Variants in AP3D1 observed in about 807,000 individuals in gnomAD.
AP3D1 encodes the protein AP-3 complex subunit delta-1.
In AP3D1, 51 loss-of-function variants were observed where a neutral mutation model predicts 147.6. That is an observed-to-expected ratio of 0.35 (90% CI 0.28 to 0.44). The LOEUF (loss-of-function observed/expected upper bound fraction) is 0.44. Among genes scored for constraint, AP3D1 ranks in the 20% least tolerant of loss-of-function variants. The probability of loss-of-function intolerance (pLI) is 1.00; values close to 1 mark genes in which losing one functional copy is unlikely to be tolerated. For synonymous variants in AP3D1, 760 were observed against 663.0 expected, an observed-to-expected ratio of 1.15 and a Z score of -2.25; for missense variants, 1,421 against 1,624.2, an observed-to-expected ratio of 0.87 and a Z score of 2.15.
chr19:2,119,301 A>G (rs1171279588), intron 14 of AP3D1, among the ~76,000 whole-genome samples: 3 of 152,164 alleles, frequency 2.0e-5, no homozygotes, highest in East Asian at 1.9e-4. Flanking sequence ...GCTCACGCCT[A>G]TAATCCCAGC....
At chr19:2,136,674 A>T (rs907099994) in intron 4 of AP3D1, among the ~76,000 whole-genome samples, 6 of 152,164 alleles carry the variant, frequency 3.9e-5, no homozygotes, top group Admixed American at 3.9e-4. Flanking sequence ...AGGCACTACC[A>T]TGAGGGGAGA....
rs557440279 is a variant in AP3D1 at position 2,129,179 on chromosome 19, G to A, written c.733-16C>T. ...GAGCACCGAACTGTGGGGACAGCAG[G>A]GCCTCGGTCACCCGCAGGGAATGCC... On this transcript the variant is annotated splice_polypyrimidine_tract_variant and intron_variant, in intron 7 of 31. Coordinates refer to ENST00000643116, the MANE Select transcript of AP3D1 (RefSeq NM_001261826.3). 2 of 1,605,838 alleles carry A rather than the reference G, an allele frequency of 1.2e-6. No individual in the cohort carries two copies. Among genetic ancestry groups the A allele is most frequent in the Non-Finnish European group, 1.7e-6 (2 of 1,177,096 alleles).
chr19:2,131,807 A>G (rs1438209412), intron 5 of AP3D1, among the ~76,000 whole-genome samples: 1 of 143,626 alleles, frequency 7.0e-6, no homozygotes, highest in African/African-American at 2.8e-5. Context: ...ATCGGCCACG[A>G]TCTAGACACC....
At chr19:2,116,335 G>T in intron 17 of AP3D1, 57 bp from the exon 18 acceptor site, 1 of 1,551,018 alleles carries the variant, frequency 6.4e-7, no homozygotes, top group Non-Finnish European at 8.8e-7. Flanking sequence ...CCCCTCTGTG[G>T]ACGTCCACCA....
intron 19 of AP3D1, 49 bp downstream of exon 19, chr19:2,115,489 C>T (rs2018420265): frequency 1.3e-5 from 21 of 1,610,400 alleles, no homozygotes; most frequent in Non-Finnish European, 1.8e-5. Context: ...GCGGGAGCAC[C>T]CCACAGCCCA....
intron 12 of AP3D1, 95 bp downstream of exon 12, chr19:2,121,639 G>T: frequency 6.9e-7 from 1 of 1,457,608 alleles, no homozygotes. Flanking sequence ...GAGTGTGAGG[G>T]GACTCCATGC....
intron 14 of AP3D1, 79 bp from the exon 15 acceptor site, chr19:2,118,911 T>C (rs558039362): frequency 2.2e-6 from 3 of 1,352,328 alleles, no homozygotes; most frequent in Non-Finnish European, 3.1e-6. Flanking sequence ...CTAGGAGGCC[T>C]GGGCTCGTCA....
upstream of AP3D1, chr19:2,164,548 G>C (rs1364381078): frequency 1.1e-5 from 3 of 272,812 alleles, no homozygotes; most frequent in African/African-American, 4.4e-5. Context: ...GGCGCGGAAC[G>C]GAAGGGGTAA....
At chr19:2,143,764 C>CAA (rs368720135) in intron 1 of AP3D1, among the ~76,000 whole-genome samples, 2 of 144,384 alleles carry the variant, frequency 1.4e-5, no homozygotes. Flanking sequence ...AAGACTGCCT[C>CAA]AAAAAAAAAA....
intron 18 of AP3D1, 60 bp from the exon 19 acceptor site, chr19:2,115,673 A>C: frequency 6.5e-7 from 1 of 1,542,834 alleles, no homozygotes; most frequent in Non-Finnish European, 8.9e-7. Context: ...GTGCAAGACA[A>C]GCCTCGGGGA....
chr19:2,144,334 C>T (rs2019302010), intron 1 of AP3D1, among the ~76,000 whole-genome samples: 2 of 152,348 alleles, frequency 1.3e-5, no homozygotes, highest in South Asian at 4.1e-4. Context: ...TGTGGACAGG[C>T]TCAACGCCCT....
chr19:2,138,287 C>T lies in AP3D1; in HGVS notation c.192+332G>A, dbSNP rs186513824. 9.2e-5 allele frequency among the ~76,000 whole-genome samples: 14 copies of T among 152,318 alleles called. No homozygotes were observed. In the East Asian group the frequency reaches 2.3e-3, roughly 25 times the overall value. ...TGGAAGGTCCAGGGCCCTAGCTCTC[C>T]CCACTAGGTGTCCTGGCCCAGCCTG... On this transcript the variant is annotated intron_variant, in intron 2 of 31. Coordinates refer to ENST00000643116, the MANE Select transcript of AP3D1 (RefSeq NM_001261826.3).
chr19:2,122,634 T>G (rs2018643087), intron 11 of AP3D1, among the ~76,000 whole-genome samples: 1 of 152,158 alleles, frequency 6.6e-6, no homozygotes, highest in Admixed American at 6.5e-5. Context: ...CAACTAATAG[T>G]AACTAAGAAC....
intron 4 of AP3D1, among the ~76,000 whole-genome samples, chr19:2,134,745 G>A (rs1303437636): frequency 2.0e-5 from 3 of 151,544 alleles, no homozygotes; most frequent in Non-Finnish European, 4.4e-5. Context: ...GGGATTATAG[G>A]CACGCACCAC....
At position 2,118,661 on chromosome 19, in the gene AP3D1, C is replaced by T. The variant is rs779857895; in HGVS notation, c.1653G>A (p.Gln551=). Residue 551 remains glutamine (Q), a synonymous_variant, in exon 15 of 32, where the codon CAG becomes CAA. Transcript: ENST00000643116. ...GEAEGAQAVT[Q]LMVDRLPQFV... ...ACTGGGGCAGCCGGTCCACCATGAG[C>T]TGGGTGACGGCCTGAGCGCCCTCTG... The T allele has an allele frequency of 6.2e-7, 1 of 1,612,912 alleles. No individual in the cohort carries two copies. Among genetic ancestry groups the T allele is most frequent in the East Asian group, 2.2e-5 (1 of 44,890 alleles).
At chr19:2,109,417 A>G in intron 29 of AP3D1, 1 of 600,058 alleles carries the variant, frequency 1.7e-6, no homozygotes, top group Non-Finnish European at 2.8e-6. Context: ...GTCTTTAAAG[A>G]GGTCACAGAG....
At chr19:2,117,398 C>T in intron 15 of AP3D1, 31 bp from the exon 16 acceptor site, 1 of 1,545,990 alleles carries the variant, frequency 6.5e-7, no homozygotes, top group Non-Finnish European at 8.7e-7. Context: ...ACTGCTGGCA[C>T]CTGCCCGGAA....
At chr19:2,147,382 A>G (rs1333280524) in intron 1 of AP3D1, among the ~76,000 whole-genome samples, 1 of 145,060 alleles carries the variant, frequency 6.9e-6, no homozygotes, top group Non-Finnish European at 1.5e-5. Context: ...AAACACACTC[A>G]GTTCAAATTT....
intron 1 of AP3D1, among the ~76,000 whole-genome samples, chr19:2,163,768 ACGTTCGTGCGTG>A (rs1599514093): frequency 6.6e-6 from 1 of 150,978 alleles, no homozygotes; most frequent in African/African-American, 2.4e-5. Context: ...GTGCGTGCGT[ACGTTCGTGCGTG>A]CGTGGATTCG....
Sources: allele counts gnomAD v4.1 joint callset (sites outside exome capture counted in the v4.1 genomes callset), GRCh38; gene constraint gnomAD v4.1.1; transcripts MANE v1.5; gene names NCBI Gene and HGNC (gene_info 2026-07-23, HGNC 2026-07-21).